DOCK4: variants seen among roughly 807,000 people sequenced by gnomAD.
DOCK4 encodes dedicator of cytokinesis protein 4.
DOCK4 carries 97 observed loss-of-function variants against 268.1 expected under a neutral mutation model. That is an observed-to-expected ratio of 0.36 (90% CI 0.31 to 0.43). The LOEUF (loss-of-function observed/expected upper bound fraction) is 0.43, where lower values mean the gene tolerates loss of function less well. Among genes scored for constraint, DOCK4 ranks in the 20% least tolerant of loss-of-function variants. The probability of loss-of-function intolerance (pLI) is 1.00; values close to 1 mark genes in which losing one functional copy is unlikely to be tolerated. For synonymous variants in DOCK4, 954 were observed against 887.2 expected (o/e 1.08, Z -1.34); for missense variants, 2,145 against 2,455.7 (o/e 0.87, Z 2.67).
At chr7:112,001,764 C>T (rs548390874) in intron 2 of DOCK4, among the ~76,000 whole-genome samples, 49 of 152,196 alleles carry the variant, frequency 3.2e-4, no homozygotes, top group Non-Finnish European at 6.2e-4. Flanking sequence ...AACTTTATCA[C>T]ATGTAAAGGA....
intron 7 of DOCK4, among the ~76,000 whole-genome samples, chr7:111,979,955 A>G (rs1408522033): frequency 6.6e-6 from 1 of 152,196 alleles, no homozygotes; most frequent in East Asian, 1.9e-4. Flanking sequence ...TAGAATTTCT[A>G]GGGGCTGGGG....
chr7:111,946,249 T>C (rs17159031), intron 8 of DOCK4, among the ~76,000 whole-genome samples: 12,473 of 152,296 alleles, frequency 0.082, 727 homozygotes, highest in East Asian at 0.37. Context: ...TTTATGGTCT[T>C]ATAAGTCTCC....
intron 8 of DOCK4, among the ~76,000 whole-genome samples, chr7:111,974,492 ATGTGTGTGTGTGTGTGTGTGTGTGTGTG>A (rs59409689): frequency 1.2e-5 from 1 of 84,324 alleles, no homozygotes; most frequent in East Asian, 3.5e-4. Context: ...TTGAAGAGGG[ATGTGTGTGTGTGTGTGTGTGTGTGTGTG>A]TGTGTGTGTG....
At chr7:111,832,308 G>A (rs916102995) in intron 26 of DOCK4, among the ~76,000 whole-genome samples, 7 of 152,126 alleles carry the variant, frequency 4.6e-5, no homozygotes, top group Admixed American at 1.3e-4. Flanking sequence ...CCTCCCACAC[G>A]CTCCATAGCA....
chr7:112,107,508 C>T (rs1406120351), intron 1 of DOCK4, among the ~76,000 whole-genome samples: 1 of 152,244 alleles, frequency 6.6e-6, no homozygotes, highest in East Asian at 1.9e-4. Context: ...TTATCTTGGA[C>T]TTCCAACCTC....
chr7:111,866,410 TAG>T (rs1805980995), intron 22 of DOCK4, among the ~76,000 whole-genome samples: 1 of 152,220 alleles, frequency 6.6e-6, no homozygotes, highest in African/African-American at 2.4e-5. Context: ...ATGACTTCAG[TAG>T]AGTTTACAAA....
chr7:111,772,487 GT>G (rs1798183203), intron 36 of DOCK4, among the ~76,000 whole-genome samples: 1 of 152,116 alleles, frequency 6.6e-6, no homozygotes, highest in Non-Finnish European at 1.5e-5. Context: ...TAAATTTTAT[GT>G]TATGCACAAT....
intron 1 of DOCK4, among the ~76,000 whole-genome samples, chr7:112,115,302 T>C (rs1812029840): frequency 6.6e-6 from 1 of 152,224 alleles, no homozygotes; most frequent in Non-Finnish European, 1.5e-5. Flanking sequence ...TAGGAATAGA[T>C]ATTTTTCAGT....
At chr7:112,110,382 A>G (rs1247005072) in intron 1 of DOCK4, among the ~76,000 whole-genome samples, 2 of 152,204 alleles carry the variant, frequency 1.3e-5, no homozygotes, top group East Asian at 1.9e-4. Context: ...ATATATTTAT[A>G]GATCTACTAC....
At chr7:111,783,498 A>G (rs1169114469) in intron 34 of DOCK4, among the ~76,000 whole-genome samples, 1 of 152,176 alleles carries the variant, frequency 6.6e-6, no homozygotes, top group Non-Finnish European at 1.5e-5. Flanking sequence ...ATTCTCCATT[A>G]CATTGTTTTC....
intron 43 of DOCK4, among the ~76,000 whole-genome samples, chr7:111,746,872 C>G (rs1796312506): frequency 7.4e-6 from 1 of 135,406 alleles, no homozygotes; most frequent in South Asian, 2.4e-4. Flanking sequence ...CTATGTTGCT[C>G]AAGCTGGTCT....
intron 1 of DOCK4, among the ~76,000 whole-genome samples, chr7:112,151,840 C>CA (rs1563135758): frequency 7.1e-6 from 1 of 141,012 alleles, no homozygotes; most frequent in Admixed American, 7.1e-5. Context: ...GACCAAAAAA[C>CA]AAAAAACAAA....
At chr7:112,160,458 G>A (rs945791212) in intron 1 of DOCK4, among the ~76,000 whole-genome samples, 8 of 152,178 alleles carry the variant, frequency 5.3e-5, no homozygotes, top group Non-Finnish European at 1.2e-4. Context: ...GATTCTTGGG[G>A]CAAATTTTCC....
intron 13 of DOCK4, among the ~76,000 whole-genome samples, chr7:111,909,195 T>C (rs1349059838): frequency 2.0e-5 from 3 of 152,240 alleles, no homozygotes; most frequent in Non-Finnish European, 2.9e-5. Flanking sequence ...GACTTACTAA[T>C]AATCGCCCAT....
At chr7:112,174,819 TA>T (rs1185255735) in intron 1 of DOCK4, among the ~76,000 whole-genome samples, 2 of 152,142 alleles carry the variant, frequency 1.3e-5, no homozygotes, top group East Asian at 3.8e-4. Context: ...TCATTTTCAC[TA>T]GATGATGTTT....
chr7:111,963,066 AC>A, intron 8 of DOCK4, among the ~76,000 whole-genome samples: 1 of 152,346 alleles, frequency 6.6e-6, no homozygotes, highest in East Asian at 1.9e-4. Flanking sequence ...TAGTCCCAAG[AC>A]AAATTTACAA....
At chr7:112,138,370 T>C (rs13247109) in intron 1 of DOCK4, among the ~76,000 whole-genome samples, 22,975 of 152,228 alleles carry the variant, frequency 0.15, 2,837 homozygotes, top group African/African-American at 0.32. Context: ...TTGGCATACA[T>C]ATGGTATGGG....
At chr7:112,054,608 G>A (rs2135566245) in intron 1 of DOCK4, among the ~76,000 whole-genome samples, 2 of 152,082 alleles carry the variant, frequency 1.3e-5, no homozygotes, top group South Asian at 4.1e-4. Flanking sequence ...ATACAACAAT[G>A]TATTTTTCAG....
At chr7:112,199,895 C>T (rs571820858) in intron 1 of DOCK4, among the ~76,000 whole-genome samples, 10 of 152,258 alleles carry the variant, frequency 6.6e-5, no homozygotes, top group South Asian at 4.1e-4. Flanking sequence ...AGAAAACTTA[C>T]GCAATGCATG....
Sources: gnomAD v4.1 joint callset for allele counts (sites outside exome capture counted in the v4.1 genomes callset) on GRCh38, gnomAD v4.1.1 for gene constraint, MANE v1.5 for transcripts, NCBI Gene and HGNC (gene_info 2026-07-23, HGNC 2026-07-21) for gene names.